The following CAMKMT variants were observed in gnomAD, a reference collection of about 807,000 sequenced individuals.
CAMKMT encodes calmodulin-lysine N-methyltransferase.
CAMKMT carries 53 observed loss-of-function variants against 48.0 expected under a neutral mutation model. The ratio of observed to expected loss-of-function variants is 1.10; its 90% CI spans 0.89 to 1.39. The LOEUF is 1.39. Ranked by LOEUF, CAMKMT falls within the 40% of genes most tolerant of loss-of-function variation. The pLI is 0.00. For missense variants in CAMKMT, 428 were observed against 402.7 expected (o/e 1.06, Z -0.54); for synonymous variants, 165 against 152.3 (o/e 1.08, Z -0.61).
At chr2:44,601,855 A>T (rs1375804798) in intron 3 of CAMKMT, among the ~76,000 whole-genome samples, 3 of 152,100 alleles carry the variant, frequency 2.0e-5, no homozygotes, top group African/African-American at 7.3e-5. Context: ...AGCTAAAAGG[A>T]AAAGTAATCA....
intron 1 of CAMKMT, among the ~76,000 whole-genome samples, chr2:44,366,826 A>C (rs1430102506): frequency 1.3e-5 from 2 of 151,938 alleles, no homozygotes; most frequent in Non-Finnish European, 2.9e-5. Context: ...GGTTCAAACG[A>C]TTCTTGTGCC....
intron 3 of CAMKMT, among the ~76,000 whole-genome samples, chr2:44,420,577 A>T (rs186387998): frequency 0.041 from 6,176 of 151,568 alleles, 168 homozygotes; most frequent in Non-Finnish European, 0.062. Flanking sequence ...ATATATATAT[A>T]TATTTTTTTC....
intron 3 of CAMKMT, among the ~76,000 whole-genome samples, chr2:44,402,222 G>A (rs1326291562): frequency 1.3e-5 from 2 of 151,212 alleles, no homozygotes; most frequent in Non-Finnish European, 1.5e-5. Flanking sequence ...ATAGCTACTC[G>A]GGAGGCTGAG....
chr2:44,629,017 A>G (rs1332720186), intron 3 of CAMKMT, among the ~76,000 whole-genome samples: 1 of 152,192 alleles, frequency 6.6e-6, no homozygotes, highest in African/African-American at 2.4e-5. Flanking sequence ...TTTTGTAAAT[A>G]TCAGTTAAAA....
chr2:44,737,273 G>C (rs761461837), intron 7 of CAMKMT, among the ~76,000 whole-genome samples: 5 of 152,018 alleles, frequency 3.3e-5, no homozygotes, highest in African/African-American at 7.2e-5. Context: ...GCACCACCAT[G>C]CTCATCTAAT....
At chr2:44,457,152 A>T (rs1667605976) in intron 3 of CAMKMT, 1 of 152,194 alleles carries the variant, frequency 6.6e-6, no homozygotes, top group African/African-American at 2.4e-5. Context: ...TCATCAACCC[A>T]GTTTCCCTCT....
intron 3 of CAMKMT, chr2:44,550,656 G>A (rs1667658732): frequency 6.6e-6 from 1 of 152,118 alleles, no homozygotes; most frequent in African/African-American, 2.4e-5. Flanking sequence ...CAGTTACCAA[G>A]ATCTATTGAC....
chr2:44,539,709 C>G (rs1489406281), intron 3 of CAMKMT, among the ~76,000 whole-genome samples: 1 of 152,016 alleles, frequency 6.6e-6, no homozygotes, highest in Non-Finnish European at 1.5e-5. Context: ...TTGAGGAGGC[C>G]AGTTATTTTG....
At chr2:44,406,657 C>T (rs10198012) in intron 3 of CAMKMT, among the ~76,000 whole-genome samples, 6,618 of 152,230 alleles carry the variant, frequency 0.043, 483 homozygotes, top group African/African-American at 0.15. Context: ...AATGCAGTGG[C>T]ACCATCATGG....
chr2:44,692,665 C>T (rs1573091859), intron 3 of CAMKMT, among the ~76,000 whole-genome samples: 1 of 151,034 alleles, frequency 6.6e-6, no homozygotes, highest in Middle Eastern at 3.4e-3. Context: ...ATCACAGAAC[C>T]ATAAGAGCCA....
intron 3 of CAMKMT, among the ~76,000 whole-genome samples, chr2:44,608,349 G>A (rs1671414001): frequency 6.6e-6 from 1 of 151,952 alleles, no homozygotes; most frequent in South Asian, 2.1e-4. Context: ...TGGGATTACA[G>A]GCATGAGCCA....
At position 44,656,649 on chromosome 2, in the gene CAMKMT, A is replaced by T. The variant is rs545074260; in HGVS notation, c.377-47634A>T. On this transcript the variant is annotated intron_variant, in intron 3 of 10. Transcript: ENST00000378494. ...GCTCTGTTTCACTGAGCACGCTGAAACCCATTGTGCCCTCTAATTATGATG... is the reference window on the plus strand; with the variant it reads ...GCTCTGTTTCACTGAGCACGCTGAATCCCATTGTGCCCTCTAATTATGATG... 1.1e-4 allele frequency among the ~76,000 whole-genome samples: 16 copies of T among 152,146 alleles called. No individual in the cohort carries two copies. The South Asian group carries it at 3.3e-3, about 32-fold the overall frequency.
chr2:44,374,857 G>C (rs1001536989), intron 2 of CAMKMT, among the ~76,000 whole-genome samples: 29 of 151,972 alleles, frequency 1.9e-4, no homozygotes, highest in African/African-American at 5.8e-4. Context: ...GTTAGTATCT[G>C]TCCACATTAG....
chr2:44,367,643 C>T lies in CAMKMT; in HGVS notation c.139-5073C>T, dbSNP rs371498390. On this transcript the variant is annotated intron_variant, in intron 1 of 10. Transcript: ENST00000378494. ...GGGTACTCATTCTATATTGCACTCT[C>T]CTCTCTGGCAGGCAGATATAAGACT... 8.5e-3 allele frequency among the ~76,000 whole-genome samples: 1,232 copies of T among 145,556 alleles called. 15 individuals carry two copies. Among genetic ancestry groups the T allele is most frequent in the African/African-American group, 0.033 (1,161 of 34,944 alleles).
At chr2:44,757,465 AT>A (rs1173377927) in intron 9 of CAMKMT, among the ~76,000 whole-genome samples, 1 of 152,154 alleles carries the variant, frequency 6.6e-6, no homozygotes, top group Admixed American at 6.5e-5. Flanking sequence ...CATCTGTAAA[AT>A]GGGGAGTGAA....
intron 3 of CAMKMT, among the ~76,000 whole-genome samples, chr2:44,531,131 G>T (rs947742247): frequency 6.6e-6 from 1 of 151,972 alleles, no homozygotes; most frequent in African/African-American, 2.4e-5. Flanking sequence ...GGATTATACT[G>T]TTATGTAGTT....
intron 3 of CAMKMT, among the ~76,000 whole-genome samples, chr2:44,593,004 A>G (rs1670398333): frequency 6.6e-6 from 1 of 152,192 alleles, no homozygotes; most frequent in Non-Finnish European, 1.5e-5. Flanking sequence ...ATAACATGTT[A>G]AAATCTCTGA....
chr2:44,452,408 C>T (rs1294806803), intron 3 of CAMKMT, among the ~76,000 whole-genome samples: 1 of 151,942 alleles, frequency 6.6e-6, no homozygotes, highest in East Asian at 1.9e-4. Context: ...GCTTTTCTTA[C>T]TGTCTTCATT....
chr2:44,392,861 A>G (rs1467085941), intron 3 of CAMKMT, among the ~76,000 whole-genome samples: 2 of 152,092 alleles, frequency 1.3e-5, no homozygotes, highest in Admixed American at 6.6e-5. Flanking sequence ...CCATGGTAGT[A>G]TGTTAAAGGA....
Sources: gnomAD v4.1 joint callset for allele counts (sites outside exome capture counted in the v4.1 genomes callset) on GRCh38, gnomAD v4.1.1 for gene constraint, MANE v1.5 for transcripts, NCBI Gene and HGNC (gene_info 2026-07-23, HGNC 2026-07-21) for gene names.